Variants in RERE observed in about 807,000 individuals in gnomAD.
RERE encodes arginine-glutamic acid dipeptide repeats.
RERE carries 40 observed loss-of-function variants against 146.1 expected under a neutral mutation model. The ratio of observed to expected loss-of-function variants is 0.27; its 90% CI spans 0.21 to 0.36. RERE has a LOEUF of 0.36. Among genes scored for constraint, RERE ranks in the 10% least tolerant of loss-of-function variants. RERE has a pLI of 1.00. For synonymous variants in RERE, 1,003 were observed against 866.0 expected (o/e 1.16, Z -2.78); for missense variants, 1,933 against 2,138.7 (o/e 0.90, Z 1.90).
chr1:8,622,803 T>C (rs978073230), intron 3 of RERE, among the ~76,000 whole-genome samples: 1 of 151,776 alleles, frequency 6.6e-6, no homozygotes, highest in Non-Finnish European at 1.5e-5. Context: ...TTACTGAATA[T>C]ACTACTTTGG....
At chr1:8,728,308 C>T (rs79047091) in intron 1 of RERE, among the ~76,000 whole-genome samples, 1,716 of 152,260 alleles carry the variant, frequency 0.011, 40 homozygotes, top group African/African-American at 0.04. Context: ...CACACCATAA[C>T]TTGAAACTTT....
intron 12 of RERE, among the ~76,000 whole-genome samples, chr1:8,419,204 G>A (rs1643856552): frequency 6.6e-6 from 1 of 152,144 alleles, no homozygotes; most frequent in East Asian, 1.9e-4. Flanking sequence ...GATTTGACTT[G>A]TAGTTATTCT....
intron 1 of RERE, among the ~76,000 whole-genome samples, chr1:8,732,808 C>CTTTTTTTTTTTTTTTTTTTTTTTTTTTTT (rs59337140): frequency 1.5e-5 from 1 of 65,696 alleles, no homozygotes; most frequent in Non-Finnish European, 2.7e-5. Context: ...TTCAATTTTT[C>CTTTTTTTTTTTTTTTTTTTTTTTTTTTTT]TTTTTTTTTT....
intron 3 of RERE, among the ~76,000 whole-genome samples, chr1:8,620,266 C>A (rs539828913): frequency 2.0e-5 from 3 of 152,130 alleles, no homozygotes; most frequent in Admixed American, 1.3e-4. Flanking sequence ...ATCTAAGAAT[C>A]CTGTGGGAAG....
At chr1:8,435,420 C>A (rs1372457946) in intron 11 of RERE, among the ~76,000 whole-genome samples, 7 of 152,214 alleles carry the variant, frequency 4.6e-5, no homozygotes, top group Non-Finnish European at 1.0e-4. Flanking sequence ...TCCTCCAAGG[C>A]TATTTGACCT....
rs778249689 is a variant in RERE, at chr1:8,656,073, A to C, written c.225T>G (p.Asn75Lys). 9.9e-6 allele frequency: 16 copies of C among 1,613,564 alleles called. No individual in the cohort carries two copies. The highest frequency in any genetic ancestry group is 1.6e-4 in the Middle Eastern group (1 of 6,062). The change falls in exon 2 of 23, where the codon AAT becomes AAG. Residue 75 changes from asparagine (N) to lysine (K), a missense_variant. Asn to Lys is a moderately conservative substitution (Grantham distance 94). Around this residue, in one of 11 missense-constraint regions of RERE, gnomAD observed 107 missense variants for 119.7 expected, o/e 0.89. Transcript: ENST00000400908. ...SATAEESTKK[N>K]KKKPPKKKSR... The stretch of plus-strand genomic sequence containing the variant: ...ACTTTTTTTTCGGTGGTTTCTTCTT[A>C]TTCTTCTTCGTGGACTCCTCTGCGG...
chr1:8,401,441 CTAAA>C (rs988959004), intron 12 of RERE, among the ~76,000 whole-genome samples: 8 of 151,630 alleles, frequency 5.3e-5, no homozygotes, highest in African/African-American at 1.7e-4. Flanking sequence ...GAACCTGTCA[CTAAA>C]TAAATAAATA....
At chr1:8,617,297 C>T (rs1322895936) in intron 3 of RERE, among the ~76,000 whole-genome samples, 2 of 139,908 alleles carry the variant, frequency 1.4e-5, no homozygotes, top group East Asian at 2.4e-4. Flanking sequence ...GAGCTGAGAT[C>T]GTGCCATTGC....
At chr1:8,689,743 A>G (rs1639169389) in intron 1 of RERE, among the ~76,000 whole-genome samples, 1 of 151,984 alleles carries the variant, frequency 6.6e-6, no homozygotes, top group African/African-American at 2.4e-5. Context: ...TGACAAATTA[A>G]GGTGCCCATC....
Position 8,408,252 on chromosome 1 carries a change from G to A in RERE, c.1284+14475C>T, listed in dbSNP as rs1441530764. ...GAAGGGCTAGCAAAATCAAGCTTAC[G>A]GGAAATAAACCTAATCAAAGCCGAG... On this transcript the variant is annotated intron_variant, in intron 12 of 22. Transcript: ENST00000400908. 3.3e-5 allele frequency among the ~76,000 whole-genome samples: 5 copies of A among 152,044 alleles called. 1 individual carries two copies. Among genetic ancestry groups the A allele is most frequent in the Non-Finnish European group, 7.4e-5 (5 of 68,022 alleles).
At chr1:8,777,890 T>TA (rs36090225) in intron 1 of RERE, among the ~76,000 whole-genome samples, 47,262 of 140,492 alleles carry the variant, frequency 0.34, 8,289 homozygotes, top group African/African-American at 0.48. Context: ...AGTATATGGT[T>TA]AAAAAAAAAA....
At chr1:8,668,736 T>C (rs967340709) in intron 1 of RERE, among the ~76,000 whole-genome samples, 1 of 152,150 alleles carries the variant, frequency 6.6e-6, no homozygotes, top group Non-Finnish European at 1.5e-5. Context: ...ATTCCACTTG[T>C]AATAAATGTA....
intron 12 of RERE, among the ~76,000 whole-genome samples, chr1:8,402,167 A>G (rs1480596963): frequency 6.6e-6 from 1 of 152,172 alleles, no homozygotes; most frequent in African/African-American, 2.4e-5. Flanking sequence ...GCGCCCGGCC[A>G]ACGCTGTGTA....
At chr1:8,500,597 A>G (rs1250845394) in intron 8 of RERE, among the ~76,000 whole-genome samples, 3 of 152,230 alleles carry the variant, frequency 2.0e-5, no homozygotes, top group South Asian at 2.1e-4. Flanking sequence ...TGGCCCCCCA[A>G]AGTGCCGAGA....
intron 1 of RERE, among the ~76,000 whole-genome samples, chr1:8,802,279 G>A (rs1201431213): frequency 6.6e-6 from 1 of 152,132 alleles, no homozygotes; most frequent in Non-Finnish European, 1.5e-5. Context: ...CTCTTACTAT[G>A]TGGTCTGAAC....
chr1:8,696,588 T>A (rs967228538), intron 1 of RERE, among the ~76,000 whole-genome samples: 12 of 151,854 alleles, frequency 7.9e-5, no homozygotes, highest in African/African-American at 2.9e-4. Flanking sequence ...AACTCCTGCC[T>A]AGGCAACAGA....
At position 8,423,437 on chromosome 1, in the gene RERE, G is replaced by T; in HGVS notation, c.1204-630C>A. On this transcript the variant is annotated intron_variant, in intron 11 of 22. Transcript: ENST00000400908. The surrounding 1 kb of genome is among the most constrained non-coding windows in gnomAD (Gnocchi z 5.4). ...TTCCGCCCTCCCGACGCCACTCGCC[G>T]CCCCCATCCATTTTCGCAGCAGACT... The T allele has an allele frequency of 1.5e-6, 1 of 646,516 alleles. No homozygotes were observed. Among genetic ancestry groups the T allele is most frequent in the Non-Finnish European group, 1.9e-6 (1 of 520,344 alleles). The allele number at this position is 646,516 out of a possible 1,614,324, so 40.0% of individuals were successfully genotyped here.
chr1:8,604,431 G>A (rs1236850395), intron 4 of RERE, among the ~76,000 whole-genome samples: 2 of 145,418 alleles, frequency 1.4e-5, no homozygotes, highest in Non-Finnish European at 3.1e-5. Flanking sequence ...GATAGGAAAT[G>A]GAAAAGGATG....
At chr1:8,541,488 G>A (rs1645800340) in intron 6 of RERE, among the ~76,000 whole-genome samples, 170 bp from the exon 7 acceptor site, 1 of 152,080 alleles carries the variant, frequency 6.6e-6, no homozygotes, top group South Asian at 2.1e-4. Flanking sequence ...CTGCTTCACT[G>A]TACACCTGTG....
Sources: allele counts gnomAD v4.1 joint callset (sites outside exome capture counted in the v4.1 genomes callset), GRCh38; gene constraint gnomAD v4.1.1; regional missense constraint gnomAD v4.1.1; non-coding constraint Gnocchi (gnomAD v3.1); transcripts MANE v1.5; gene names NCBI Gene and HGNC (gene_info 2026-07-23, HGNC 2026-07-21).